The following GREB1 variants were observed in gnomAD, a reference collection of about 807,000 sequenced individuals.
GREB1 encodes growth regulating estrogen receptor binding 1.
Under a neutral mutation model 200.7 loss-of-function variants are expected in GREB1, and 106 were observed. The observed-to-expected ratio is 0.53, with a 90% CI of 0.45 to 0.62. The LOEUF is 0.62. GREB1 is among the 20% of genes least tolerant of loss of function. GREB1 has a pLI of 0.00. For missense variants in GREB1, 2,243 were observed against 2,556.8 expected, an observed-to-expected ratio of 0.88 and a Z score of 2.65; for synonymous variants, 1,132 against 1,092.4, an observed-to-expected ratio of 1.04 and a Z score of -0.72.
intron 25 of GREB1, among the ~76,000 whole-genome samples, chr2:11,628,006 T>A (rs557205034): frequency 5.3e-5 from 8 of 151,954 alleles, no homozygotes; most frequent in Admixed American, 5.2e-4. Context: ...GTGGGTTGGG[T>A]GTTTCTGGAA....
chr2:11,543,954 C>T (rs2148537843), intron 1 of GREB1, among the ~76,000 whole-genome samples: 1 of 152,186 alleles, frequency 6.6e-6, no homozygotes, highest in South Asian at 2.1e-4. Context: ...GAAGCTGTGG[C>T]TTTATTTTTC....
At chr2:11,519,586 G>T (rs1369906845) in intron 1 of GREB1, among the ~76,000 whole-genome samples, 1 of 150,370 alleles carries the variant, frequency 6.7e-6, no homozygotes, top group Non-Finnish European at 1.5e-5. Context: ...CTCCTGAGTA[G>T]CTTGGATTAC....
chr2:11,572,370 CCT>C (rs1678398742), intron 4 of GREB1, among the ~76,000 whole-genome samples: 2 of 152,182 alleles, frequency 1.3e-5, no homozygotes, highest in South Asian at 4.1e-4. Flanking sequence ...TGGGAGGACT[CCT>C]CTCTGCAGAG....
intron 3 of GREB1, among the ~76,000 whole-genome samples, chr2:11,564,596 T>C (rs1260294180): frequency 1.3e-5 from 2 of 152,216 alleles, no homozygotes; most frequent in Non-Finnish European, 2.9e-5. Context: ...GTAAACACTG[T>C]GACTACTCAT....
chr2:11,636,154 G>A (rs893826059), intron 30 of GREB1, among the ~76,000 whole-genome samples: 1 of 152,204 alleles, frequency 6.6e-6, no homozygotes, highest in Non-Finnish European at 1.5e-5. Flanking sequence ...CCCTTTTCCG[G>A]GAGTTGGGGG....
intron 30 of GREB1, among the ~76,000 whole-genome samples, chr2:11,636,513 A>G (rs114346955): frequency 0.02 from 3,049 of 152,358 alleles, 46 homozygotes; most frequent in Non-Finnish European, 0.028. Flanking sequence ...TTCACTAAAT[A>G]TTTAGTGAGC....
chr2:11,618,167 TGAC>T (rs1683615367), intron 21 of GREB1, 118 bp from the exon 22 acceptor site: 1 of 675,300 alleles, frequency 1.5e-6, no homozygotes, highest in African/African-American at 2.4e-5. Flanking sequence ...CTGGGATGGG[TGAC>T]TCCTGGGACA....
chr2:11,487,064 T>C (rs940796597), intron 1 of GREB1, among the ~76,000 whole-genome samples: 3 of 152,226 alleles, frequency 2.0e-5, no homozygotes, highest in Non-Finnish European at 4.4e-5. Context: ...CTTATTTCAA[T>C]ATCAATATTT....
chr2:11,519,501 G>A (rs1434410450), intron 1 of GREB1, among the ~76,000 whole-genome samples: 2 of 136,910 alleles, frequency 1.5e-5, no homozygotes, highest in African/African-American at 2.9e-5. Context: ...TGTCGCCCAG[G>A]CTGGAGCGCA....
chr2:11,559,944 A>G (rs73915428), intron 2 of GREB1, among the ~76,000 whole-genome samples: 3,821 of 152,174 alleles, frequency 0.025, 188 homozygotes, highest in African/African-American at 0.086. Context: ...GACCTTCCCA[A>G]AGTCACGCTT....
rs576101354 is a variant in GREB1, at chr2:11,570,472, C to G, written c.454+3816C>G. The stretch of plus-strand genomic sequence containing the variant: ...CAATTATCATATCTAAAAGATTTAA[C>G]AGGTATTTAATATTATCAAATATTC... On this transcript the variant is annotated intron_variant, in intron 4 of 32. Coordinates refer to ENST00000381486, the MANE Select transcript of GREB1 (RefSeq NM_014668.4). Among the ~76,000 whole-genome samples the G allele has an allele frequency of 5.4e-4, 79 of 146,980 alleles. 1 individual carries two copies. The South Asian group carries it at 0.017, about 31-fold the overall frequency.
chr2:11,594,747 T>G (rs962754551), intron 11 of GREB1, among the ~76,000 whole-genome samples: 1 of 151,900 alleles, frequency 6.6e-6, no homozygotes, highest in African/African-American at 2.4e-5. Context: ...GGCTGGAGTG[T>G]AGTGACACTT....
chr2:11,563,844 G>A (rs1373371794), intron 3 of GREB1, among the ~76,000 whole-genome samples: 2 of 152,178 alleles, frequency 1.3e-5, no homozygotes, highest in Non-Finnish European at 2.9e-5. Context: ...GAAATATGGA[G>A]ATAAATGGGA....
At chr2:11,525,107 G>A (rs112268874) in intron 1 of GREB1, among the ~76,000 whole-genome samples, 19 of 152,244 alleles carry the variant, frequency 1.2e-4, no homozygotes, top group African/African-American at 4.3e-4. Context: ...ATTGTGGTTG[G>A]CTGTGTTACA....
At chr2:11,518,210 G>C (rs143770622) in intron 1 of GREB1, among the ~76,000 whole-genome samples, 1 of 152,146 alleles carries the variant, frequency 6.6e-6, no homozygotes, top group Non-Finnish European at 1.5e-5. Flanking sequence ...GTTGTTTGAC[G>C]TCAAGGTCAG....
At chr2:11,621,682 C>T (rs1572169969) in intron 23 of GREB1, among the ~76,000 whole-genome samples, 1 of 152,156 alleles carries the variant, frequency 6.6e-6, no homozygotes, top group Non-Finnish European at 1.5e-5. Context: ...TCAGACGAGT[C>T]CTGTCTGTGT....
chr2:11,506,105 T>C (rs555799328), intron 1 of GREB1, among the ~76,000 whole-genome samples: 241 of 152,286 alleles, frequency 1.6e-3, no homozygotes, highest in Non-Finnish European at 3.1e-3. Flanking sequence ...CTGCAGTATG[T>C]CAGGCACCAA....
Position 11,580,819 on chromosome 2 carries a change from A to T in GREB1, c.888A>T (p.Arg296=), listed in dbSNP as rs1438660750. 5 of 1,614,116 alleles carry T rather than the reference A, an allele frequency of 3.1e-6. No homozygotes were observed. The highest frequency in any genetic ancestry group is 4.2e-6 in the Non-Finnish European group (5 of 1,180,052). ...LAKNNLLALP[R]PSALGILSNS... Reference sequence around the variant, plus strand: ...AGAATAACCTGTTGGCCCTGCCGCGACCATCGGCTTTAGGTAGCTCTGCCT... The same window carrying T: ...AGAATAACCTGTTGGCCCTGCCGCGTCCATCGGCTTTAGGTAGCTCTGCCT... Residue 296 remains arginine, a synonymous_variant, in exon 7 of 33, where the codon CGA becomes CGT. Transcript: ENST00000381486. This position sits in a 1 kb window ranked among gnomAD's most constrained non-coding sequence, Gnocchi z 4.5.
At chr2:11,589,509 G>A (rs574632296) in intron 10 of GREB1, among the ~76,000 whole-genome samples, 1 of 152,306 alleles carries the variant, frequency 6.6e-6, no homozygotes, top group South Asian at 2.1e-4. Context: ...GAGGGTGTGA[G>A]TGAGAGGTGT....
Sources: allele counts gnomAD v4.1 joint callset (sites outside exome capture counted in the v4.1 genomes callset), GRCh38; gene constraint gnomAD v4.1.1; non-coding constraint Gnocchi (gnomAD v3.1); transcripts MANE v1.5; gene names NCBI Gene and HGNC (gene_info 2026-07-23, HGNC 2026-07-21).